CNKSR2: variants seen among roughly 807,000 people sequenced by gnomAD.
CNKSR2 encodes the protein CNK homolog protein 2.
Under a neutral mutation model 84.4 loss-of-function variants are expected in CNKSR2, and 14 were observed. That is an observed-to-expected ratio of 0.17 (90% CI 0.11 to 0.26). CNKSR2 has a LOEUF of 0.26. Among genes scored for constraint, CNKSR2 ranks in the 10% least tolerant of loss-of-function variants. The pLI is 1.00. For missense variants in CNKSR2, 485 were observed against 771.2 expected, an observed-to-expected ratio of 0.63 and a Z score of 4.40; for synonymous variants, 275 against 277.9, an observed-to-expected ratio of 0.99 and a Z score of 0.10.
At chrX:21,524,424 C>G (rs901080912) in intron 9 of CNKSR2, among the ~76,000 whole-genome samples, 2 of 110,807 alleles carry the variant, frequency 1.8e-5, no homozygotes, top group African/African-American at 6.5e-5. Flanking sequence ...TAACTAATAA[C>G]ATTAACTGAT....
chrX:21,379,958 G>C (rs767157663), intron 1 of CNKSR2, among the ~76,000 whole-genome samples: 20 of 111,179 alleles, frequency 1.8e-4, no homozygotes, highest in African/African-American at 6.5e-4. Context: ...TAAATGTAGC[G>C]GCACAGCAAG....
chrX:21,534,961 A>G (rs927781207), intron 11 of CNKSR2, among the ~76,000 whole-genome samples: 4 of 110,845 alleles, frequency 3.6e-5, no homozygotes, highest in African/African-American at 6.5e-5. Context: ...GCCTAGACCA[A>G]TGTCCTGAAG....
intron 20 of CNKSR2, chrX:21,645,814 T>C (rs989310338): frequency 9.0e-6 from 1 of 111,728 alleles, no homozygotes; most frequent in Non-Finnish European, 1.9e-5. Context: ...ATATTTTCAG[T>C]TGCAACAGTA....
intron 11 of CNKSR2, among the ~76,000 whole-genome samples, chrX:21,536,473 T>C (rs954138817): frequency 2.7e-5 from 3 of 111,149 alleles, no homozygotes; most frequent in African/African-American, 9.8e-5. Flanking sequence ...AATTCAGCAA[T>C]GAAGCCAGCA....
chrX:21,561,452 C>T lies in CNKSR2; in HGVS notation c.1304-19C>T, dbSNP rs1337169168. 1.7e-6 allele frequency: 2 copies of T among 1,155,550 alleles called. No individual in the cohort carries two copies. Among genetic ancestry groups the T allele is most frequent in the Non-Finnish European group, 2.4e-6 (2 of 847,636 alleles). ...GGGAAGAAAAACAATGTGATGTGAA[C>T]TTTGTTCTCTGTGTTTAGGCAAGCT... On this transcript the variant is annotated intron_variant, in intron 11 of 21. Transcript: ENST00000379510.
intron 3 of CNKSR2, among the ~76,000 whole-genome samples, chrX:21,434,749 T>G (rs1035833896): frequency 2.7e-5 from 3 of 110,281 alleles, no homozygotes; most frequent in African/African-American, 9.8e-5. Context: ...TTTGGGTTTA[T>G]TACAGTTTTT....
At chrX:21,648,595 T>A (rs1195560757) in intron 20 of CNKSR2, among the ~76,000 whole-genome samples, 1 of 110,469 alleles carries the variant, frequency 9.1e-6, no homozygotes, top group Non-Finnish European at 1.9e-5. Context: ...CTAAAACAAT[T>A]AGCTGCCTGT....
chrX:21,651,226 GAA>G (rs754942984), intron 21 of CNKSR2, among the ~76,000 whole-genome samples: 5 of 111,954 alleles, frequency 4.5e-5, no homozygotes, highest in Non-Finnish European at 9.4e-5. Flanking sequence ...GAAAGATAAC[GAA>G]AAGTCACTGT....
intron 9 of CNKSR2, among the ~76,000 whole-genome samples, chrX:21,518,582 G>T (rs990920541): frequency 9.0e-6 from 1 of 111,327 alleles, no homozygotes; most frequent in Admixed American, 9.6e-5. Context: ...TAAAATAATT[G>T]AAAGACCAAC....
At chrX:21,542,750 T>C (rs1031817675) in intron 11 of CNKSR2, among the ~76,000 whole-genome samples, 1 of 111,954 alleles carries the variant, frequency 8.9e-6, no homozygotes, top group Middle Eastern at 4.6e-3. Flanking sequence ...TGGTCATATT[T>C]TATAAGAATA....
chrX:21,419,200 A>G (rs888443629), intron 1 of CNKSR2, among the ~76,000 whole-genome samples: 1 of 110,544 alleles, frequency 9.0e-6, no homozygotes, highest in Admixed American at 9.7e-5. Context: ...ATTTTTCAGT[A>G]TGACAATTGC....
intron 1 of CNKSR2, among the ~76,000 whole-genome samples, chrX:21,381,894 C>G: frequency 9.0e-6 from 1 of 111,617 alleles, no homozygotes; most frequent in Middle Eastern, 4.6e-3. Flanking sequence ...ATATGCTGTC[C>G]TAGTACCATG....
At chrX:21,383,036 A>G (rs2089920318) in intron 1 of CNKSR2, among the ~76,000 whole-genome samples, 1 of 111,836 alleles carries the variant, frequency 8.9e-6, no homozygotes, top group Admixed American at 9.5e-5. Context: ...CCCAATTTAG[A>G]ATCATTAAAA....
At chrX:21,575,358 C>T (rs1249371918) in intron 13 of CNKSR2, among the ~76,000 whole-genome samples, 2 of 110,096 alleles carry the variant, frequency 1.8e-5, no homozygotes, top group Non-Finnish European at 3.8e-5. Flanking sequence ...ATCGGTACTC[C>T]TCCTATCCCC....
chrX:21,465,481 T>C (rs750165982), intron 4 of CNKSR2, among the ~76,000 whole-genome samples: 3 of 111,474 alleles, frequency 2.7e-5, no homozygotes, highest in Non-Finnish European at 3.8e-5. Context: ...TTGATAATAA[T>C]AGAATATGTT....
chrX:21,631,119 C>G (rs749576081), intron 20 of CNKSR2, among the ~76,000 whole-genome samples: 2 of 110,419 alleles, frequency 1.8e-5, no homozygotes, highest in African/African-American at 6.6e-5. Context: ...CCCAGGAGTT[C>G]GAGACCAGCC....
chrX:21,498,291 C>G (rs776442552), intron 7 of CNKSR2, among the ~76,000 whole-genome samples: 1 of 111,892 alleles, frequency 8.9e-6, no homozygotes, highest in East Asian at 2.8e-4. Context: ...AGTGACATTC[C>G]TGGACACCAG....
chrX:21,401,637 G>A (rs1385657704), intron 1 of CNKSR2, among the ~76,000 whole-genome samples: 1 of 111,779 alleles, frequency 8.9e-6, no homozygotes, highest in Admixed American at 9.5e-5. Context: ...ATAACATACA[G>A]CAATCCCTAT....
chrX:21,495,822 A>AAAAAAAAAAAC (rs1231075186), intron 6 of CNKSR2: 2 of 75,877 alleles, frequency 2.6e-5, no homozygotes, highest in African/African-American at 4.9e-5. Context: ...AAAAAAAAAA[A>AAAAAAAAAAAC]CACGAAAAAT....
Sources: allele counts gnomAD v4.1 joint callset (sites outside exome capture counted in the v4.1 genomes callset), GRCh38; gene constraint gnomAD v4.1.1; transcripts MANE v1.5; gene names NCBI Gene and HGNC (gene_info 2026-07-23, HGNC 2026-07-21).